The following CREB5 variants were observed in gnomAD, a reference collection of about 807,000 sequenced individuals.
CREB5 encodes cyclic AMP-responsive element-binding protein 5.
A neutral mutation model predicts 57.1 loss-of-function variants in CREB5; 19 were observed. The observed-to-expected ratio is 0.33, with a 90% CI of 0.23 to 0.49. CREB5 has a LOEUF of 0.49. CREB5 is among the 20% of genes least tolerant of loss of function. The probability of loss-of-function intolerance (pLI) is 0.99; values close to 1 mark genes in which losing one functional copy is unlikely to be tolerated. For synonymous variants in CREB5, 238 were observed against 238.3 expected (o/e 1.00, Z 0.01); for missense variants, 579 against 671.6 (o/e 0.86, Z 1.52).
chr7:28,660,536 G>A (rs909446549), intron 5 of CREB5, among the ~76,000 whole-genome samples: 9 of 151,696 alleles, frequency 5.9e-5, no homozygotes, highest in African/African-American at 2.2e-4. Context: ...TCAAACAAAT[G>A]GAAAATTACA....
chr7:28,663,059 C>T (rs902521713), intron 5 of CREB5, among the ~76,000 whole-genome samples: 6 of 151,368 alleles, frequency 4.0e-5, no homozygotes, highest in Non-Finnish European at 7.4e-5. Context: ...GTAGGAGAAT[C>T]GCTTGAACCT....
At chr7:28,612,060 C>T (rs567479412) in intron 5 of CREB5, among the ~76,000 whole-genome samples, 3 of 152,270 alleles carry the variant, frequency 2.0e-5, no homozygotes, top group African/African-American at 2.4e-5. Flanking sequence ...GCTCATGATG[C>T]CAGGAAAGCT....
chr7:28,345,190 A>G (rs145743713), intron 1 of CREB5, among the ~76,000 whole-genome samples: 330 of 152,306 alleles, frequency 2.2e-3, no homozygotes, highest in African/African-American at 7.8e-3. Context: ...ACTTTCCATC[A>G]AAGTGCAGCA....
chr7:28,638,933 C>T (rs1798537361), intron 5 of CREB5, among the ~76,000 whole-genome samples: 1 of 152,254 alleles, frequency 6.6e-6, no homozygotes, highest in South Asian at 2.1e-4. Context: ...ATATTCATTT[C>T]TTACCCTGCT....
intron 1 of CREB5, among the ~76,000 whole-genome samples, chr7:28,422,577 GA>G (rs375813216): frequency 2.2e-3 from 342 of 152,238 alleles, no homozygotes; most frequent in African/African-American, 7.8e-3. Flanking sequence ...ACTCCAGAAT[GA>G]AAAAATGTCT....
chr7:28,456,842 C>G (rs1166037575), intron 1 of CREB5, among the ~76,000 whole-genome samples: 1 of 152,238 alleles, frequency 6.6e-6, no homozygotes, highest in Non-Finnish European at 1.5e-5. Context: ...TGTTTGGCAA[C>G]AGCCAGAACA....
At chr7:28,560,853 T>TGCGC (rs1434324324) in intron 4 of CREB5, among the ~76,000 whole-genome samples, 10 of 65,792 alleles carry the variant, frequency 1.5e-4, no homozygotes, top group East Asian at 1.1e-3. Flanking sequence ...TGCGCGTGTG[T>TGCGC]GTGTGCGTGT....
intron 5 of CREB5, among the ~76,000 whole-genome samples, chr7:28,660,857 C>T (rs1238759790): frequency 1.3e-5 from 2 of 152,156 alleles, no homozygotes; most frequent in African/African-American, 4.8e-5. Flanking sequence ...GGGTTTTTCT[C>T]AGTCTGACCC....
chr7:28,584,232 C>T (rs1421802907), intron 5 of CREB5, among the ~76,000 whole-genome samples: 2 of 152,168 alleles, frequency 1.3e-5, no homozygotes, highest in African/African-American at 4.8e-5. Context: ...AGGCGAGGCC[C>T]TGTGGTTTTC....
chr7:28,752,834 G>A (rs1041155221), intron 7 of CREB5, among the ~76,000 whole-genome samples: 4 of 151,236 alleles, frequency 2.6e-5, no homozygotes, highest in African/African-American at 9.7e-5. Flanking sequence ...TTACCTGGTA[G>A]GTCACTGAAA....
chr7:28,694,599 A>T (rs1217382944), intron 5 of CREB5, among the ~76,000 whole-genome samples: 5 of 152,226 alleles, frequency 3.3e-5, no homozygotes, highest in African/African-American at 1.2e-4. Flanking sequence ...TTTGTCACCC[A>T]GTGACACAAT....
At chr7:28,448,271 G>A (rs766712287) in intron 1 of CREB5, among the ~76,000 whole-genome samples, 29 of 152,204 alleles carry the variant, frequency 1.9e-4, no homozygotes, top group Non-Finnish European at 2.4e-4. Context: ...ACAGCCTATT[G>A]TGGGACTTTG....
chr7:28,340,807 T>C (rs1187836606), intron 1 of CREB5, among the ~76,000 whole-genome samples: 1 of 152,184 alleles, frequency 6.6e-6, no homozygotes, highest in African/African-American at 2.4e-5. Flanking sequence ...AAACTCAAGT[T>C]CTGACCACTG....
intron 1 of CREB5, among the ~76,000 whole-genome samples, chr7:28,419,383 TTTG>T (rs1239049192): frequency 1.3e-5 from 2 of 152,248 alleles, no homozygotes; most frequent in Non-Finnish European, 2.9e-5. Flanking sequence ...GTATTTGGTT[TTTG>T]TTTTCTCCTA....
intron 7 of CREB5, among the ~76,000 whole-genome samples, chr7:28,778,614 ATTAC>A (rs1806792245): frequency 6.6e-6 from 1 of 152,188 alleles, no homozygotes; most frequent in Non-Finnish European, 1.5e-5. Context: ...ATGAATTCAA[ATTAC>A]TTTTATCATT....
At chr7:28,355,832 C>T (rs1055257383) in intron 1 of CREB5, among the ~76,000 whole-genome samples, 1 of 152,168 alleles carries the variant, frequency 6.6e-6, no homozygotes, top group African/African-American at 2.4e-5. Context: ...TCTCTGAGCT[C>T]GGGGCTGTCA....
At chr7:28,528,585 T>A (rs1434472135) in intron 4 of CREB5, among the ~76,000 whole-genome samples, 1 of 151,246 alleles carries the variant, frequency 6.6e-6, no homozygotes, top group Non-Finnish European at 1.5e-5. Context: ...ATGCCTGTAA[T>A]CCCAGCTACT....
chr7:28,429,026 A>T (rs560469910), intron 1 of CREB5, among the ~76,000 whole-genome samples: 83 of 152,142 alleles, frequency 5.5e-4, no homozygotes, highest in African/African-American at 1.8e-3. Flanking sequence ...AGTTTAATTT[A>T]AAAAAAAGTT....
chr7:28,630,085 G>C (rs1022377697), intron 5 of CREB5, among the ~76,000 whole-genome samples: 2 of 152,192 alleles, frequency 1.3e-5, no homozygotes. Context: ...CTGCTCATGT[G>C]ATGGCTACTT....
Sources: gnomAD v4.1 joint callset for allele counts (sites outside exome capture counted in the v4.1 genomes callset) on GRCh38, gnomAD v4.1.1 for gene constraint, MANE v1.5 for transcripts, NCBI Gene and HGNC (gene_info 2026-07-23, HGNC 2026-07-21) for gene names.